Variants in MTOR observed in about 807,000 individuals in gnomAD.
MTOR encodes mechanistic target of rapamycin kinase.
MTOR carries 70 observed loss-of-function variants against 319.8 expected under a neutral mutation model. That is an observed-to-expected ratio of 0.22 (90% CI 0.18 to 0.27). The LOEUF is 0.27. MTOR is among the 10% of genes least tolerant of loss of function. MTOR has a pLI of 1.00. For missense variants in MTOR, 1,890 were observed against 3,274.4 expected (o/e 0.58, Z 10.32); for synonymous variants, 1,183 against 1,211.4 (o/e 0.98, Z 0.49).
intron 28 of MTOR, among the ~76,000 whole-genome samples, chr1:11,198,647 G>C (rs1645863928): frequency 6.6e-6 from 1 of 152,186 alleles, no homozygotes; most frequent in Non-Finnish European, 1.5e-5. Flanking sequence ...AGGAGCTGGA[G>C]CTAATGTTTC....
At chr1:11,238,763 C>CTTA in intron 11 of MTOR, 146 bp from the exon 12 acceptor site, 1 of 607,510 alleles carries the variant, frequency 1.6e-6, no homozygotes, top group Non-Finnish European at 2.7e-6. Flanking sequence ...ACCCGGAACT[C>CTTA]TTCTTTTTTT....
chr1:11,212,375 G>A lies in MTOR; in HGVS notation c.3498C>T (p.Ser1166=), dbSNP rs950205372. The change falls in exon 23 of 58, where the codon AGC becomes AGT. Residue 1166 remains serine (S), a synonymous_variant. Coordinates refer to ENST00000361445, the MANE Select transcript of MTOR (RefSeq NM_004958.4). The surrounding 1 kb of genome is among the most constrained non-coding windows in gnomAD (Gnocchi z 4.1). ...IHPIVRTLDQ[S]PELRSTAMDT... is the part of the protein sequence containing the mutation. ...CCATGGCTGTGGAGCGCAGTTCTGG[G>A]CTCTGGTCCAGTGTTCGAACAATAG... is the stretch of plus-strand genomic sequence containing the variant. The A allele has an allele frequency of 6.2e-7, 1 of 1,613,984 alleles. No individual in the cohort carries two copies. The highest frequency in any genetic ancestry group is 8.5e-7 in the Non-Finnish European group (1 of 1,180,008).
intron 28 of MTOR, among the ~76,000 whole-genome samples, chr1:11,186,225 G>A (rs1645318556): frequency 6.6e-6 from 1 of 151,956 alleles, no homozygotes. Context: ...AGCTTCTTCT[G>A]AGATGTATTC....
intron 13 of MTOR, 82 bp from the exon 14 acceptor site, chr1:11,234,347 G>A: frequency 2.0e-6 from 3 of 1,490,676 alleles, no homozygotes; most frequent in Non-Finnish European, 2.7e-6. Flanking sequence ...AAAGTGGCAG[G>A]GAACTGGGGG....
At chr1:11,167,368 T>C (rs1339767557) in intron 29 of MTOR, 74 bp downstream of exon 29, 1 of 1,166,854 alleles carries the variant, frequency 8.6e-7, no homozygotes, top group Non-Finnish European at 1.3e-6. Context: ...AAAGTAACTT[T>C]CTGAAGGTCA....
rs1052703462 is a variant in MTOR at position 11,139,816 on chromosome 1, C to T, written c.4873-158G>A. On this transcript the variant is annotated intron_variant, in intron 34 of 57. Coordinates refer to ENST00000361445, the MANE Select transcript of MTOR (RefSeq NM_004958.4). ...AAGCAATTCTCCTGCCTCAGCCTCC[C>T]GAGTAGCGGGGATTACAGGCGTGTG... Among the ~76,000 whole-genome samples the T allele has an allele frequency of 5.3e-5, 8 of 152,212 alleles. No homozygotes were observed. The South Asian group carries it at 6.2e-4, about 12-fold the overall frequency.
chr1:11,202,356 G>A (rs1361862234), intron 26 of MTOR, among the ~76,000 whole-genome samples: 1 of 148,878 alleles, frequency 6.7e-6, no homozygotes, highest in Non-Finnish European at 1.5e-5. Flanking sequence ...GGGAAGTAGA[G>A]GTTGCGGTGA....
At chr1:11,243,963 T>A (rs760950893) in intron 8 of MTOR, among the ~76,000 whole-genome samples, 1 of 151,892 alleles carries the variant, frequency 6.6e-6, no homozygotes, top group Non-Finnish European at 1.5e-5. Context: ...GAGGCCGCAC[T>A]GAGCCAAGAG....
At chr1:11,187,667 A>G (rs1306776472) in intron 28 of MTOR, among the ~76,000 whole-genome samples, 1 of 152,222 alleles carries the variant, frequency 6.6e-6, no homozygotes, top group Non-Finnish European at 1.5e-5. Context: ...GCTCAGTGTC[A>G]TTTGATGGCC....
chr1:11,194,042 G>A (rs895262046), intron 28 of MTOR, among the ~76,000 whole-genome samples: 8 of 152,312 alleles, frequency 5.3e-5, no homozygotes, highest in African/African-American at 1.9e-4. Context: ...AGTCAGCTGT[G>A]CCGAACACTA....
At chr1:11,180,066 C>T (rs1645099252) in intron 28 of MTOR, among the ~76,000 whole-genome samples, 2 of 152,136 alleles carry the variant, frequency 1.3e-5, no homozygotes, top group South Asian at 4.1e-4. Context: ...CGCATGCCAT[C>T]ATGCCCCACT....
At chr1:11,131,211 A>G (rs1643134521) in intron 38 of MTOR, 1 of 194,484 alleles carries the variant, frequency 5.1e-6, no homozygotes, top group Non-Finnish European at 1.1e-5. Flanking sequence ...GGAAACAAGA[A>G]GGCAGCGGTG....
chr1:11,230,575 A>G (rs1232603835), intron 18 of MTOR, among the ~76,000 whole-genome samples: 1 of 152,190 alleles, frequency 6.6e-6, no homozygotes, highest in Non-Finnish European at 1.5e-5. Context: ...CTTCTTCTGT[A>G]GATACCATGG....
intron 36 of MTOR, among the ~76,000 whole-genome samples, chr1:11,135,621 G>C (rs1205566293): frequency 6.6e-6 from 1 of 152,108 alleles, no homozygotes; most frequent in Non-Finnish European, 1.5e-5. Context: ...ATCACCTGAG[G>C]TCAGGAGTTC....
At position 11,106,747 on chromosome 1, in the gene MTOR, A is replaced by C; in HGVS notation, c.*738T>G. 8.1e-7 allele frequency: 1 copy of C among 1,235,976 alleles called. No homozygotes were observed. 76.6% of individuals were successfully genotyped at this position (1,235,976 alleles called of 1,614,324 possible). On this transcript the variant is annotated 3_prime_UTR_variant, in exon 58 of 58. Transcript: ENST00000361445. Reference sequence around the variant, plus strand: ...TTGCTCTAAACAGAGTATTTTGACCACTGAAAACATCCCAGAACCCTGCTG... The same window carrying C: ...TTGCTCTAAACAGAGTATTTTGACCCCTGAAAACATCCCAGAACCCTGCTG...
intron 38 of MTOR, chr1:11,131,783 T>C (rs1216165444): frequency 2.0e-5 from 3 of 152,252 alleles, no homozygotes; most frequent in African/African-American, 7.2e-5. Flanking sequence ...AGTAGGACAC[T>C]ACGTGACCCA....
At chr1:11,117,226 T>C (rs772913617) in intron 49 of MTOR, 140 bp from the exon 50 acceptor site, 8 of 665,442 alleles carry the variant, frequency 1.2e-5, no homozygotes, top group Non-Finnish European at 1.5e-5. Flanking sequence ...AGTGGTGCTA[T>C]CTTGGCTCAC....
chr1:11,177,512 C>T (rs528931886), intron 28 of MTOR, among the ~76,000 whole-genome samples: 15 of 152,250 alleles, frequency 9.9e-5, no homozygotes, highest in African/African-American at 2.6e-4. Context: ...GGGCTACAAT[C>T]GCACCACTGC....
At chr1:11,180,455 C>T (rs529651919) in intron 28 of MTOR, among the ~76,000 whole-genome samples, 1 of 152,286 alleles carries the variant, frequency 6.6e-6, no homozygotes, top group East Asian at 1.9e-4. Flanking sequence ...CCCAGTCACC[C>T]TTGCCATTAA....
Sources: gnomAD v4.1 joint callset for allele counts (sites outside exome capture counted in the v4.1 genomes callset) on GRCh38, gnomAD v4.1.1 for gene constraint, Gnocchi (gnomAD v3.1) non-coding constraint, MANE v1.5 for transcripts, NCBI Gene and HGNC (gene_info 2026-07-23, HGNC 2026-07-21) for gene names.